GLRB: variants seen among roughly 807,000 people sequenced by gnomAD.
GLRB encodes the protein glycine receptor beta.
Under a neutral mutation model 54.2 loss-of-function variants are expected in GLRB, and 33 were observed. The observed-to-expected ratio is 0.61, with a 90% confidence interval of 0.46 to 0.81. The LOEUF is 0.81. GLRB is among the 40% of genes least tolerant of loss of function. The probability of loss-of-function intolerance (pLI) is 0.00; values close to 1 mark genes in which losing one functional copy is unlikely to be tolerated. For synonymous variants in GLRB, 209 were observed against 208.2 expected, an observed-to-expected ratio of 1.00 and a Z score of -0.03; for missense variants, 572 against 584.6, an observed-to-expected ratio of 0.98 and a Z score of 0.22.
Position 157,136,769 on chromosome 4 carries a change from A to G in GLRB, c.528-35A>G, listed in dbSNP as rs1237911785. ...AAATCAATGGATGACAGAGAAGTAT[A>G]TTAAATTATTTCTAAGACCCATTTC... On this transcript the variant is annotated intron_variant, in intron 5 of 9. Transcript: ENST00000264428. 5 of 1,509,122 alleles carry G rather than the reference A, an allele frequency of 3.3e-6. No individual in the cohort carries two copies. In the African/African-American group the frequency reaches 6.9e-5, roughly 21 times the overall value. 93.5% of individuals were successfully genotyped at this position (1,509,122 alleles called of 1,614,324 possible).
At chr4:157,125,046 A>C (rs1735967842) in intron 4 of GLRB, among the ~76,000 whole-genome samples, 1 of 151,882 alleles carries the variant, frequency 6.6e-6, no homozygotes, top group Admixed American at 6.6e-5. Context: ...TAGATACATA[A>C]ATGACATTAA....
In GLRB at chr4:157,106,911, C is replaced by T. The variant is rs536594163; in HGVS notation, c.123-13645C>T. Among the ~76,000 whole-genome samples, 220 of 152,120 alleles carry T rather than the reference C, an allele frequency of 1.4e-3. 2 individuals carry two copies. Among genetic ancestry groups the T allele is most frequent in the African/African-American group, 4.8e-3 (199 of 41,514 alleles). On this transcript the variant is annotated intron_variant, in intron 2 of 9. Transcript: ENST00000264428. Reference sequence around the variant, plus strand: ...TTAAAAAACACCAATTAAAGGTTTGCGGCAACCTGCTTTGAGCTAGTGTGT... The same window carrying T: ...TTAAAAAACACCAATTAAAGGTTTGTGGCAACCTGCTTTGAGCTAGTGTGT...
intron 2 of GLRB, among the ~76,000 whole-genome samples, chr4:157,097,325 C>A (rs577411624): frequency 2.6e-4 from 40 of 152,066 alleles, no homozygotes; most frequent in Non-Finnish European, 4.9e-4. Flanking sequence ...GTGTTAGATG[C>A]CACTCTATGT....
chr4:157,133,379 C>T (rs1736285855), intron 4 of GLRB, among the ~76,000 whole-genome samples: 1 of 151,808 alleles, frequency 6.6e-6, no homozygotes, highest in South Asian at 2.1e-4. Flanking sequence ...AATTTAGACC[C>T]AGATTTCTCT....
rs369282302 is a variant in GLRB, at chr4:157,138,772, A to T, written c.611-37A>T. ...AAATATTTAAAAAGCATTATTAATT[A>T]TATTTTAAACTAACATTTATTTGTT... On this transcript the variant is annotated intron_variant, in intron 6 of 9. Coordinates refer to ENST00000264428, the MANE Select transcript of GLRB (RefSeq NM_000824.5). 75 of 1,013,280 alleles carry T rather than the reference A, an allele frequency of 7.4e-5. No individual in the cohort carries two copies. The African/African-American group carries it at 1.1e-3, about 15-fold the overall frequency. 62.8% of individuals were successfully genotyped at this position (1,013,280 alleles called of 1,614,324 possible).
At chr4:157,161,607 T>G (rs996880866) in intron 9 of GLRB, among the ~76,000 whole-genome samples, 7 of 152,174 alleles carry the variant, frequency 4.6e-5, no homozygotes, top group Non-Finnish European at 1.5e-5. Flanking sequence ...TTTGGCTGGA[T>G]ATGAAATTCT....
chr4:157,113,425 T>C (rs1579208381), intron 2 of GLRB, among the ~76,000 whole-genome samples: 1 of 152,022 alleles, frequency 6.6e-6, no homozygotes, highest in East Asian at 1.9e-4. Context: ...GAATGTATAA[T>C]GTTTTACAGT....
intron 2 of GLRB, among the ~76,000 whole-genome samples, chr4:157,079,498 T>A (rs921415827): frequency 6.6e-6 from 1 of 152,198 alleles, no homozygotes; most frequent in Non-Finnish European, 1.5e-5. Context: ...TTCAGCTCCA[T>A]GTGAAGGGAT....
chr4:157,120,346 C>T (rs1005094589), intron 2 of GLRB, among the ~76,000 whole-genome samples: 1 of 150,032 alleles, frequency 6.7e-6, no homozygotes, highest in Non-Finnish European at 1.5e-5. Context: ...AACTAACCTG[C>T]ACATTGTGCA....
intron 2 of GLRB, among the ~76,000 whole-genome samples, chr4:157,117,641 AC>A (rs1380538405): frequency 1.3e-5 from 2 of 151,650 alleles, no homozygotes; most frequent in African/African-American, 4.8e-5. Flanking sequence ...GTGCCACAGG[AC>A]AAAATGTTCT....
At chr4:157,100,858 T>C (rs745536255) in intron 2 of GLRB, among the ~76,000 whole-genome samples, 17 of 152,144 alleles carry the variant, frequency 1.1e-4, no homozygotes, top group Admixed American at 3.3e-4. Flanking sequence ...AAATGAGAAC[T>C]AGGAAATTTT....
At chr4:157,162,826 A>C (rs542166134) in intron 9 of GLRB, among the ~76,000 whole-genome samples, 67 of 152,216 alleles carry the variant, frequency 4.4e-4, no homozygotes, top group Non-Finnish European at 6.8e-4. Flanking sequence ...TCAGATCTCA[A>C]ACTCTGTGCT....
chr4:157,120,129 A>G (rs771466697), intron 2 of GLRB, among the ~76,000 whole-genome samples: 14 of 151,136 alleles, frequency 9.3e-5, no homozygotes, highest in Non-Finnish European at 1.6e-4. Context: ...AAACTGTCGC[A>G]AGAACAAAAA....
At chr4:157,131,105 C>A (rs1292232550) in intron 4 of GLRB, among the ~76,000 whole-genome samples, 1 of 151,582 alleles carries the variant, frequency 6.6e-6, no homozygotes, top group Admixed American at 6.6e-5. Flanking sequence ...ACAGTCATAA[C>A]CCTAATCAAT....
At chr4:157,154,034 G>A (rs1273593579) in intron 9 of GLRB, among the ~76,000 whole-genome samples, 2 of 152,122 alleles carry the variant, frequency 1.3e-5, no homozygotes, top group South Asian at 2.1e-4. Context: ...CTCATTTTCT[G>A]AGCCTAAAGC....
At chr4:157,105,921 A>T (rs918718063) in intron 2 of GLRB, among the ~76,000 whole-genome samples, 6 of 151,954 alleles carry the variant, frequency 3.9e-5, no homozygotes, top group Admixed American at 6.6e-5. Context: ...TCTCTTTTTT[A>T]AAAAAATTAT....
intron 2 of GLRB, among the ~76,000 whole-genome samples, chr4:157,079,136 G>T (rs760386534): frequency 6.6e-6 from 1 of 152,062 alleles, no homozygotes; most frequent in African/African-American, 2.4e-5. Context: ...TAGAGCAATT[G>T]TACAGTATAT....
chr4:157,078,646 G>A (rs1734125074), intron 2 of GLRB, among the ~76,000 whole-genome samples: 1 of 152,078 alleles, frequency 6.6e-6, no homozygotes, highest in Non-Finnish European at 1.5e-5. Flanking sequence ...TTTAGTAATT[G>A]TAAATAGGTT....
chr4:157,118,533 C>A (rs1246061379), intron 2 of GLRB, among the ~76,000 whole-genome samples: 1 of 151,490 alleles, frequency 6.6e-6, no homozygotes, highest in African/African-American at 2.4e-5. Context: ...CCACAAGAAG[C>A]AATTTTTAAA....
Sources: gnomAD v4.1 joint callset for allele counts (sites outside exome capture counted in the v4.1 genomes callset) on GRCh38, gnomAD v4.1.1 for gene constraint, MANE v1.5 for transcripts, NCBI Gene and HGNC (gene_info 2026-07-23, HGNC 2026-07-21) for gene names.